PXDNL: variants seen among roughly 807,000 people sequenced by gnomAD.
PXDNL encodes the protein peroxidasin like.
Under a neutral mutation model 150.8 loss-of-function variants are expected in PXDNL, and 145 were observed. That is an observed-to-expected ratio of 0.96 (90% CI 0.84 to 1.10). PXDNL has a LOEUF of 1.10. PXDNL is among the 50% of genes least tolerant of loss of function. The pLI is 0.00. For missense variants in PXDNL, 2,087 were observed against 1,873.9 expected, an observed-to-expected ratio of 1.11 and a Z score of -2.10; for synonymous variants, 757 against 725.7, an observed-to-expected ratio of 1.04 and a Z score of -0.69.
At chr8:51,332,962 C>A (rs113060800) in intron 21 of PXDNL, among the ~76,000 whole-genome samples, 1 of 152,092 alleles carries the variant, frequency 6.6e-6, no homozygotes, top group Non-Finnish European at 1.5e-5. Flanking sequence ...GAGACCTAGA[C>A]GTGCAAATAC....
At chr8:51,436,823 A>G (rs1372792887) in intron 12 of PXDNL, among the ~76,000 whole-genome samples, 2 of 152,178 alleles carry the variant, frequency 1.3e-5, no homozygotes, top group East Asian at 3.8e-4. Context: ...CAAACCAAAT[A>G]TAAACCCAGC....
At chr8:51,499,580 T>G in intron 5 of PXDNL, 119 bp downstream of exon 5, 1 of 712,376 alleles carries the variant, frequency 1.4e-6, no homozygotes, top group African/African-American at 1.8e-5. Flanking sequence ...AGTGCCAAGG[T>G]ACAGGCTCTG....
intron 4 of PXDNL, among the ~76,000 whole-genome samples, chr8:51,527,579 C>T (rs546966560): frequency 6.6e-6 from 1 of 152,224 alleles, no homozygotes; most frequent in Non-Finnish European, 1.5e-5. Context: ...ATGTTATGGC[C>T]CAGGGCTCAG....
chr8:51,657,293 T>C lies in PXDNL; in HGVS notation c.165-2533A>G, dbSNP rs144355844. 5.8e-3 allele frequency among the ~76,000 whole-genome samples: 879 copies of C among 152,344 alleles called. 9 individuals are homozygous for C. The highest frequency in any genetic ancestry group is 0.017 in the Middle Eastern group (5 of 294). On this transcript the variant is annotated intron_variant, in intron 1 of 22. Transcript: ENST00000356297. The stretch of plus-strand genomic sequence containing the variant: ...TTGTAAGTCAACAACTGTCTATATA[T>C]GAAAATAAACCTAATATATAGGCAA...
chr8:51,576,226 ACTCAATTC>A (rs1813051553), intron 3 of PXDNL, among the ~76,000 whole-genome samples: 1 of 151,390 alleles, frequency 6.6e-6, no homozygotes. Flanking sequence ...AAACAAAAAA[ACTCAATTC>A]ACATCCTTTT....
In PXDNL at chr8:51,453,574, A is replaced by G. The variant is rs1586119291; in HGVS notation, c.1194T>C (p.Cys398=). 6.2e-7 allele frequency: 1 copy of G among 1,614,044 alleles called. No homozygotes were observed. Among genetic ancestry groups the G allele is most frequent in the Non-Finnish European group, 8.5e-7 (1 of 1,179,902 alleles). Reference sequence around the variant, plus strand: ...CAGTGCCGTGGCTATTGTTGGCATGACAGGTAAATCGACCATGATCCCGTT... The same window carrying G: ...CAGTGCCGTGGCTATTGTTGGCATGGCAGGTAAATCGACCATGATCCCGTT... ...ITQRDHGRFT[C]HANNSHGTVQ... is the part of the protein sequence containing the mutation. The change falls in exon 10 of 23, where the codon TGT becomes TGC. Residue 398 remains cysteine, a synonymous_variant. Transcript: ENST00000356297.
At chr8:51,608,426 A>C (rs1296263751) in intron 2 of PXDNL, among the ~76,000 whole-genome samples, 1 of 148,042 alleles carries the variant, frequency 6.8e-6, no homozygotes, top group African/African-American at 2.6e-5. Flanking sequence ...GGAAGGAAGA[A>C]AGAAAGGGGC....
intron 4 of PXDNL, among the ~76,000 whole-genome samples, chr8:51,526,353 T>C (rs1396530221): frequency 6.6e-6 from 1 of 152,156 alleles, no homozygotes; most frequent in Non-Finnish European, 1.5e-5. Flanking sequence ...TTTTCTTTTT[T>C]TTTTAAATTT....
At chr8:51,730,912 T>G (rs1045350288) in intron 1 of PXDNL, among the ~76,000 whole-genome samples, 1 of 152,132 alleles carries the variant, frequency 6.6e-6, no homozygotes, top group East Asian at 1.9e-4. Context: ...CCCACCCCCA[T>G]GATTCAATTA....
intron 17 of PXDNL, among the ~76,000 whole-genome samples, chr8:51,390,624 G>A (rs1268181682): frequency 6.6e-6 from 1 of 152,012 alleles, no homozygotes; most frequent in African/African-American, 2.4e-5. Context: ...CACATTGACT[G>A]CTTTCCTCAT....
At chr8:51,570,478 C>A (rs1812910761) in intron 3 of PXDNL, among the ~76,000 whole-genome samples, 1 of 151,702 alleles carries the variant, frequency 6.6e-6, no homozygotes, top group African/African-American at 2.4e-5. Context: ...TGACATTATA[C>A]TTTTTAAAAA....
At chr8:51,334,798 G>A (rs957780817) in intron 21 of PXDNL, among the ~76,000 whole-genome samples, 1 of 152,134 alleles carries the variant, frequency 6.6e-6, no homozygotes, top group Admixed American at 6.5e-5. Flanking sequence ...TTAGATTCCA[G>A]AAGAAAATCT....
intron 1 of PXDNL, among the ~76,000 whole-genome samples, chr8:51,806,568 T>C (rs2037677693): frequency 6.6e-6 from 1 of 152,208 alleles, no homozygotes; most frequent in African/African-American, 2.4e-5. Flanking sequence ...TTACAGGCTT[T>C]ACATATACTT....
chr8:51,438,227 ATGACCATAC>A (rs1809453666), intron 12 of PXDNL, among the ~76,000 whole-genome samples: 1 of 152,184 alleles, frequency 6.6e-6, no homozygotes, highest in Non-Finnish European at 1.5e-5. Flanking sequence ...TATTGTGAAA[ATGACCATAC>A]TGACAAAAGC....
At chr8:51,330,512 T>C (rs1479408692) in intron 21 of PXDNL, among the ~76,000 whole-genome samples, 5 of 152,118 alleles carry the variant, frequency 3.3e-5, no homozygotes, top group African/African-American at 1.2e-4. Context: ...ATACCACAGA[T>C]TGGGTAGCCT....
chr8:51,508,838 C>G (rs981860019), intron 4 of PXDNL, among the ~76,000 whole-genome samples: 3 of 152,200 alleles, frequency 2.0e-5, no homozygotes, highest in Non-Finnish European at 4.4e-5. Flanking sequence ...ATGCCCACTT[C>G]CCAGCATGTC....
At chr8:51,632,079 G>A (rs140979335) in intron 2 of PXDNL, among the ~76,000 whole-genome samples, 156 of 152,066 alleles carry the variant, frequency 1.0e-3, no homozygotes, top group East Asian at 7.7e-4. Context: ...AAAACATGAT[G>A]CAAATAATTT....
intron 19 of PXDNL, among the ~76,000 whole-genome samples, chr8:51,360,105 C>A (rs1226867702): frequency 6.7e-6 from 1 of 150,096 alleles, no homozygotes; most frequent in East Asian, 1.9e-4. Flanking sequence ...TATATGCACA[C>A]ACCTATACAT....
intron 3 of PXDNL, among the ~76,000 whole-genome samples, chr8:51,568,898 G>A (rs1002878674): frequency 1.3e-5 from 2 of 151,822 alleles, no homozygotes; most frequent in African/African-American, 2.4e-5. Flanking sequence ...GCCCATCAAA[G>A]TCATTCTTAA....
Sources: allele counts gnomAD v4.1 joint callset (sites outside exome capture counted in the v4.1 genomes callset), GRCh38; gene constraint gnomAD v4.1.1; transcripts MANE v1.5; gene names NCBI Gene and HGNC (gene_info 2026-07-23, HGNC 2026-07-21).